MYOM3: variants seen among roughly 807,000 people sequenced by gnomAD.
MYOM3 encodes the protein myomesin 3, also known as myomesin-3.
Under a neutral mutation model 191.7 loss-of-function variants are expected in MYOM3, and 155 were observed. That is an observed-to-expected ratio of 0.81 (90% CI 0.71 to 0.92). The LOEUF (loss-of-function observed/expected upper bound fraction) is 0.92, where lower values mean the gene tolerates loss of function less well. MYOM3 is among the 40% of genes least tolerant of loss of function. MYOM3 has a pLI of 0.00. For synonymous variants in MYOM3, 757 were observed against 762.9 expected, an observed-to-expected ratio of 0.99 and a Z score of 0.13; for missense variants, 1,889 against 1,890.6, an observed-to-expected ratio of 1.00 and a Z score of 0.02.
rs1045332867 is a variant in MYOM3, at chr1:24,111,422, C to T, written c.-19+609G>A. Among the ~76,000 whole-genome samples, 2 of 152,220 alleles carry T rather than the reference C, an allele frequency of 1.3e-5. No individual in the cohort carries two copies. The highest frequency in any genetic ancestry group is 2.4e-5 in the African/African-American group (1 of 41,452). On this transcript the variant is annotated intron_variant, in intron 1 of 36. Coordinates refer to ENST00000374434, the MANE Select transcript of MYOM3 (RefSeq NM_152372.4). The surrounding 1 kb of genome is among the most constrained non-coding windows in gnomAD (Gnocchi z 4.7). The stretch of plus-strand genomic sequence containing the variant: ...GAGCAGAGACACATCCTGCGGGCGG[C>T]GGGTGGCACAGGCTGGGACGTGTTC...
At chr1:24,090,771 A>G (rs1341793768) in intron 12 of MYOM3, 26 bp downstream of exon 12, 3 of 1,611,456 alleles carry the variant, frequency 1.9e-6, no homozygotes, top group Non-Finnish European at 2.5e-6. Flanking sequence ...ATGTTCTAGA[A>G]AGTCGCTTAG....
Position 24,061,975 on chromosome 1 carries a change from C to T in MYOM3, c.3905G>A (p.Arg1302Gln), listed in dbSNP as rs182345655. ...TLEIAAGKEV[R>Q]QLSTDLSGQA... ...CCCTGAGAGATCTGTTGAGAGCTGC[C>T]GGACTTCCTTCCCTGCAGCTATTTC... Residue 1302 changes from arginine (R) to glutamine (Q), a missense_variant, in exon 33 of 37, where the codon CGG (arginine) becomes CAG (glutamine). Arg to Gln is a conservative substitution (Grantham distance 43). Coordinates refer to ENST00000374434, the MANE Select transcript of MYOM3 (RefSeq NM_152372.4). 2.3e-4 allele frequency: 370 copies of T among 1,614,158 alleles called. No homozygotes were observed. The African/African-American group carries it at 3.0e-3, about 13-fold the overall frequency.
chr1:24,111,213 C>T lies in MYOM3; in HGVS notation c.-19+818G>A, dbSNP rs911811238. On this transcript the variant is annotated intron_variant, in intron 1 of 36. Transcript: ENST00000374434. The surrounding 1 kb of genome is among the most constrained non-coding windows in gnomAD (Gnocchi z 4.7). ...GAGGGGAAACTGCCCCCGCTTCCCTCTCTTGGGGTGCAAAAATCTGGGCCA... is the reference window on the plus strand; with the variant it reads ...GAGGGGAAACTGCCCCCGCTTCCCTTTCTTGGGGTGCAAAAATCTGGGCCA... 6.6e-6 allele frequency among the ~76,000 whole-genome samples: 1 copy of T among 152,254 alleles called. No homozygotes were observed. Among genetic ancestry groups the T allele is most frequent in the Admixed American group, 6.5e-5 (1 of 15,280 alleles).
At chr1:24,066,243 C>CT (rs746017020) in intron 28 of MYOM3, 6 of 716,134 alleles carry the variant, frequency 8.4e-6, no homozygotes, top group South Asian at 3.0e-5. Flanking sequence ...TCCAGGAAGC[C>CT]TTTTTTTTGA....
rs961060102 is a variant in MYOM3, at chr1:24,102,266, C to T, written c.561-2491G>A. 6.6e-5 allele frequency among the ~76,000 whole-genome samples: 10 copies of T among 152,158 alleles called. No homozygotes were observed. In the East Asian group the frequency reaches 7.7e-4, roughly 12 times the overall value. ...GAAAGGAGCTCCGCTAAACCTCCCACAGGGAGGGTGTTGCCTAATCTGGGT... is the reference window on the plus strand; with the variant it reads ...GAAAGGAGCTCCGCTAAACCTCCCATAGGGAGGGTGTTGCCTAATCTGGGT... On this transcript the variant is annotated intron_variant, in intron 5 of 36. Transcript: ENST00000374434.
chr1:24,090,701 C>T (rs1038039779), intron 12 of MYOM3, 96 bp downstream of exon 12: 63 of 1,262,974 alleles, frequency 5.0e-5, no homozygotes, highest in Middle Eastern at 3.8e-4. Flanking sequence ...CCACCAGACT[C>T]GGGGCTCCTG....
In MYOM3 at chr1:24,061,963, G is replaced by A; in HGVS notation, c.3917C>T (p.Thr1306Ile). 1 of 1,614,202 alleles carries A rather than the reference G, an allele frequency of 6.2e-7. No individual in the cohort carries two copies. The highest frequency in any genetic ancestry group is 2.2e-5 in the East Asian group (1 of 44,886). The change falls in exon 33 of 37, where the codon ACA becomes ATA. Residue 1306 changes from threonine to isoleucine, a missense_variant. Physicochemically the swap from Thr to Ile is moderately conservative, Grantham distance 89. Transcript: ENST00000374434. ...AAGKEVRQLSTDLSGQAFEDA... is the reference protein window; with the variant it reads ...AAGKEVRQLSIDLSGQAFEDA... ...TGGCTCACCTTGCCCTGAGAGATCTGTTGAGAGCTGCCGGACTTCCTTCCC... is the reference window on the plus strand; with the variant it reads ...TGGCTCACCTTGCCCTGAGAGATCTATTGAGAGCTGCCGGACTTCCTTCCC...
chr1:24,105,451 G>A (rs764087117), intron 5 of MYOM3, among the ~76,000 whole-genome samples: 2 of 152,204 alleles, frequency 1.3e-5, no homozygotes, highest in African/African-American at 2.4e-5. Flanking sequence ...CTTGGCCCCT[G>A]TCCTGCCTCT....
intron 24 of MYOM3, 128 bp downstream of exon 24, chr1:24,071,841 G>A: frequency 1.0e-6 from 1 of 971,222 alleles, no homozygotes; most frequent in Admixed American, 1.8e-5. Context: ...TTCTAGCTCT[G>A]TGATTCTCCC....
intron 27 of MYOM3, among the ~76,000 whole-genome samples, 192 bp from the exon 28 acceptor site, chr1:24,067,280 C>CT (rs1314380786): frequency 4.5e-5 from 6 of 132,390 alleles, no homozygotes; most frequent in South Asian, 2.5e-4. Context: ...TTCTTTCTTC[C>CT]TTCCTTTCTT....
At position 24,057,594 on chromosome 1, in the gene MYOM3, G is replaced by A; in HGVS notation, c.4084C>T (p.Pro1362Ser). The A allele has an allele frequency of 6.2e-7, 1 of 1,613,988 alleles. No homozygotes were observed. Among genetic ancestry groups the A allele is most frequent in the East Asian group, 2.2e-5 (1 of 44,878 alleles). ...TTCAGCCAAGAGATTTCAGGGGTGG[G>A]GTCTCCTGAGACGATGCAAGTCAAG... ...LCLTCIVSGDPTPEISWLKND... is the reference protein window; with the variant it reads ...LCLTCIVSGDSTPEISWLKND... The change falls in exon 37 of 37, where the codon CCC (proline) becomes TCC (serine). Residue 1362 changes from proline to serine, a missense_variant. Physicochemically the swap from Pro to Ser is moderately conservative, Grantham distance 74. Transcript: ENST00000374434.
At chr1:24,062,712 A>T (rs780311992) in intron 32 of MYOM3, among the ~76,000 whole-genome samples, 1 of 152,018 alleles carries the variant, frequency 6.6e-6, no homozygotes, top group Non-Finnish European at 1.5e-5. Context: ...TGGCTGACCA[A>T]GTTTGCTAAG....
chr1:24,082,604 T>C lies in MYOM3; in HGVS notation c.2081A>G (p.Lys694Arg). 6.2e-7 allele frequency: 1 copy of C among 1,606,900 alleles called. No homozygotes were observed. Among genetic ancestry groups the C allele is most frequent in the East Asian group, 2.3e-5 (1 of 44,430 alleles). Reference sequence around the variant, plus strand: ...GCCCTTGGACTCACCCAGAGCCTGCTTGACCCTGATGGGCTCGGTGGCGGC... The same window carrying C: ...GCCCTTGGACTCACCCAGAGCCTGCCTGACCCTGATGGGCTCGGTGGCGGC... ...SSAATEPIRV[K>R]QALATPSAPY... The change falls in exon 17 of 37, where the codon AAG becomes AGG. Residue 694 changes from lysine to arginine, a missense_variant. Lys to Arg is a conservative substitution (Grantham distance 26). Transcript: ENST00000374434.
chr1:24,083,289 C>G (rs1437800225), intron 16 of MYOM3: 5 of 152,274 alleles, frequency 3.3e-5, no homozygotes, highest in Non-Finnish European at 4.4e-5. Flanking sequence ...CTCTTCTCAG[C>G]CAGGCCTTCA....
chr1:24,102,708 TG>T (rs989253064), intron 5 of MYOM3, among the ~76,000 whole-genome samples: 2 of 151,970 alleles, frequency 1.3e-5, no homozygotes, highest in Non-Finnish European at 2.9e-5. Flanking sequence ...TAGCCAGGTG[TG>T]GGGGCACATG....
intron 20 of MYOM3, among the ~76,000 whole-genome samples, chr1:24,076,507 C>CTTTTTTTTTTTTTTT (rs558326490): frequency 4.1e-5 from 2 of 49,106 alleles, no homozygotes; most frequent in African/African-American, 1.4e-4. Context: ...CCTAATGTTT[C>CTTTTTTTTTTTTTTT]TTTTTTTTTT....
At chr1:24,072,043 A>G in intron 23 of MYOM3, 30 bp from the exon 24 acceptor site, 1 of 1,612,422 alleles carries the variant, frequency 6.2e-7, no homozygotes, top group South Asian at 1.1e-5. Context: ...GGAAGAAACC[A>G]GAGAGAATGA....
intron 15 of MYOM3, among the ~76,000 whole-genome samples, chr1:24,086,119 T>C (rs1214171632): frequency 1.3e-5 from 2 of 151,922 alleles, no homozygotes; most frequent in South Asian, 2.1e-4. Flanking sequence ...GAGCCAGAGG[T>C]GGGAGCAGTG....
At chr1:24,066,271 C>G (rs1346182226) in intron 28 of MYOM3, 1 of 714,752 alleles carries the variant, frequency 1.4e-6, no homozygotes, top group African/African-American at 1.8e-5. Flanking sequence ...CATAGTCACC[C>G]CCTCCATCAC....
Sources: gnomAD v4.1 joint callset for allele counts (sites outside exome capture counted in the v4.1 genomes callset) on GRCh38, gnomAD v4.1.1 for gene constraint, Gnocchi (gnomAD v3.1) non-coding constraint, MANE v1.5 for transcripts, NCBI Gene and HGNC (gene_info 2026-07-23, HGNC 2026-07-21) for gene names.